Variants in ZNF536 observed in about 807,000 individuals in gnomAD.
ZNF536 encodes the protein zinc finger protein 536.
In ZNF536, 13 loss-of-function variants were observed where a neutral mutation model predicts 84.5. The observed-to-expected ratio is 0.15, with a 90% CI of 0.10 to 0.24. The LOEUF (loss-of-function observed/expected upper bound fraction) is 0.24. Ranked by LOEUF, ZNF536 falls within the 10% of genes least tolerant of loss-of-function variation. The probability of loss-of-function intolerance (pLI) is 1.00; values close to 1 mark genes in which losing one functional copy is unlikely to be tolerated. For synonymous variants in ZNF536, 811 were observed against 742.5 expected, an observed-to-expected ratio of 1.09 and a Z score of -1.50; for missense variants, 1,536 against 1,747.5, an observed-to-expected ratio of 0.88 and a Z score of 2.16.
intron 1 of ZNF536, among the ~76,000 whole-genome samples, chr19:30,279,267 G>A (rs545884041): frequency 3.3e-5 from 5 of 152,246 alleles, no homozygotes; most frequent in African/African-American, 4.8e-5. Context: ...ATCTGGTCTC[G>A]GAAACATGAG....
intron 1 of ZNF536, among the ~76,000 whole-genome samples, chr19:30,615,224 C>T (rs1032216284): frequency 2.7e-5 from 4 of 150,328 alleles, no homozygotes; most frequent in Non-Finnish European, 4.4e-5. Flanking sequence ...GGATTACAGG[C>T]GTGAGCCACC....
intron 1 of ZNF536, among the ~76,000 whole-genome samples, chr19:30,633,730 A>T (rs1162693956): frequency 6.6e-6 from 1 of 152,054 alleles, no homozygotes; most frequent in Non-Finnish European, 1.5e-5. Context: ...TGATTTTTAA[A>T]TTTTTTAAAT....
At chr19:30,389,777 C>T (rs2049503455) in intron 1 of ZNF536, among the ~76,000 whole-genome samples, 1 of 152,182 alleles carries the variant, frequency 6.6e-6, no homozygotes, top group African/African-American at 2.4e-5. Flanking sequence ...CCTGCTGGCC[C>T]AAGCAGATAG....
chr19:30,607,792 A>G lies in ZNF536; in HGVS notation c.169+58278A>G, dbSNP rs114306753. Among the ~76,000 whole-genome samples the G allele has an allele frequency of 5.4e-3, 814 of 152,054 alleles. 8 individuals carry two copies. The highest frequency in any genetic ancestry group is 0.019 in the African/African-American group (786 of 41,488). ...TAACATATTAGAAATATATATGTAT[A>G]TGCATTACTTTATAGTCCTATTATT... On this transcript the variant is annotated intron_variant, in intron 1 of 1. Coordinates refer to the ZNF536 transcript ENST00000592773.
intron 1 of ZNF536, among the ~76,000 whole-genome samples, chr19:30,666,413 T>A (rs2050320966): frequency 6.6e-6 from 1 of 151,778 alleles, no homozygotes; most frequent in African/African-American, 2.4e-5. Context: ...TCCCTTCCAC[T>A]CCCTCCTCTC....
At chr19:30,695,112 C>T (rs981601863) in intron 1 of ZNF536, among the ~76,000 whole-genome samples, 2 of 152,172 alleles carry the variant, frequency 1.3e-5, no homozygotes, top group African/African-American at 4.8e-5. Flanking sequence ...CTCAGATTTT[C>T]CTGCTGAGGA....
At chr19:30,567,020 T>C (rs1223955922) in intron 1 of ZNF536, among the ~76,000 whole-genome samples, 1 of 151,688 alleles carries the variant, frequency 6.6e-6, no homozygotes, top group Non-Finnish European at 1.5e-5. Flanking sequence ...GTGTGGCCTC[T>C]CCGGGTAGTG....
At chr19:30,612,758 C>T (rs973125298) in intron 1 of ZNF536, among the ~76,000 whole-genome samples, 23 of 152,166 alleles carry the variant, frequency 1.5e-4, no homozygotes, top group African/African-American at 5.3e-4. Context: ...TAAATGCTAA[C>T]GTCTTACCTT....
intron 2 of ZNF536, among the ~76,000 whole-genome samples, chr19:30,481,254 A>G (rs1300683807): frequency 6.6e-6 from 1 of 152,204 alleles, no homozygotes; most frequent in East Asian, 1.9e-4. Flanking sequence ...GTGTGTGTAT[A>G]CATGTACTTG....
At chr19:30,237,913 A>G (rs979954046) in intron 1 of ZNF536, among the ~76,000 whole-genome samples, 4 of 152,134 alleles carry the variant, frequency 2.6e-5, no homozygotes, top group African/African-American at 4.8e-5. Context: ...AAGCAGTGTA[A>G]CACCATGATA....
intron 1 of ZNF536, among the ~76,000 whole-genome samples, chr19:30,648,446 C>T (rs1397628807): frequency 6.6e-6 from 1 of 152,192 alleles, no homozygotes; most frequent in Non-Finnish European, 1.5e-5. Flanking sequence ...AGGAGCCTGG[C>T]CCCGATGGCT....
intron 1 of ZNF536, among the ~76,000 whole-genome samples, chr19:30,639,897 C>G (rs1475353387): frequency 1.3e-5 from 2 of 152,176 alleles, no homozygotes; most frequent in Non-Finnish European, 2.9e-5. Context: ...AGAATCTTGA[C>G]CTGTCAAGTC....
intron 3 of ZNF536, among the ~76,000 whole-genome samples, chr19:30,356,901 T>C (rs1461506908): frequency 3.3e-5 from 5 of 152,232 alleles, no homozygotes. Flanking sequence ...AGCATAGCTC[T>C]TCCTGACCTC....
At chr19:30,339,501 T>C (rs1184521158) in intron 2 of ZNF536, among the ~76,000 whole-genome samples, 3 of 152,202 alleles carry the variant, frequency 2.0e-5, no homozygotes, top group Middle Eastern at 6.8e-3. Flanking sequence ...AGTGGGACCA[T>C]TGATGCCCTT....
intron 1 of ZNF536, among the ~76,000 whole-genome samples, chr19:30,427,024 C>T (rs1253211860): frequency 1.3e-5 from 2 of 152,180 alleles, no homozygotes; most frequent in African/African-American, 4.8e-5. Flanking sequence ...CTGACACCTA[C>T]TAAATTTCTT....
intron 1 of ZNF536, among the ~76,000 whole-genome samples, chr19:30,589,901 A>G (rs2047219163): frequency 6.6e-6 from 1 of 152,120 alleles, no homozygotes; most frequent in African/African-American, 2.4e-5. Context: ...CTCTATGCAG[A>G]CTTTGGTGTC....
chr19:30,560,910 A>G (rs2046140534), downstream of ZNF536, among the ~76,000 whole-genome samples: 1 of 152,240 alleles, frequency 6.6e-6, no homozygotes, highest in African/African-American at 2.4e-5. Flanking sequence ...CCTCTGGAGC[A>G]AGGGATGCGC....
intron 2 of ZNF536, among the ~76,000 whole-genome samples, chr19:30,470,154 A>G (rs950089745): frequency 6.6e-6 from 1 of 152,200 alleles, no homozygotes; most frequent in Non-Finnish European, 1.5e-5. Context: ...TCTGTCTGCC[A>G]TCTTCCCTAT....
At chr19:30,325,871 G>A (rs1460664367) in intron 2 of ZNF536, among the ~76,000 whole-genome samples, 2 of 152,160 alleles carry the variant, frequency 1.3e-5, no homozygotes, top group Non-Finnish European at 2.9e-5. Flanking sequence ...TATCCTCCAT[G>A]TGGCTGTGGG....
Sources: gnomAD v4.1 joint callset for allele counts (sites outside exome capture counted in the v4.1 genomes callset) on GRCh38, gnomAD v4.1.1 for gene constraint, MANE v1.5 for transcripts, NCBI Gene and HGNC (gene_info 2026-07-23, HGNC 2026-07-21) for gene names.